The following SORCS1 variants were observed in gnomAD, a reference collection of about 807,000 sequenced individuals.
SORCS1 encodes VPS10 domain-containing receptor SorCS1.
SORCS1 carries 60 observed loss-of-function variants against 146.1 expected under a neutral mutation model. The ratio of observed to expected loss-of-function variants is 0.41; its 90% confidence interval spans 0.33 to 0.51. SORCS1 has a LOEUF of 0.51. SORCS1 is among the 20% of genes least tolerant of loss of function. SORCS1 has a pLI of 0.21. For synonymous variants in SORCS1, 637 were observed against 584.0 expected (o/e 1.09, Z -1.31); for missense variants, 1,352 against 1,487.6 (o/e 0.91, Z 1.50).
intron 8 of SORCS1, among the ~76,000 whole-genome samples, chr10:106,706,055 A>G (rs1391276767): frequency 6.6e-6 from 1 of 152,222 alleles, no homozygotes; most frequent in Non-Finnish European, 1.5e-5. Flanking sequence ...TTGCACTGAT[A>G]CATAACACAT....
intron 5 of SORCS1, among the ~76,000 whole-genome samples, chr10:106,746,148 G>A (rs75652737): frequency 0.026 from 3,946 of 151,306 alleles, 79 homozygotes; most frequent in Non-Finnish European, 0.044. Context: ...CCCTGGGTCA[G>A]GAAAAAAAAA....
chr10:107,172,605 C>T, the SORCS1 span, among the ~76,000 whole-genome samples: 104 of 152,332 alleles, frequency 6.8e-4, no homozygotes, highest in African/African-American at 2.4e-3. Context: ...TCATCTATCT[C>T]TTAACCTCAG....
At chr10:106,781,859 C>T (rs948746521) in intron 3 of SORCS1, among the ~76,000 whole-genome samples, 3 of 151,852 alleles carry the variant, frequency 2.0e-5, no homozygotes, top group Non-Finnish European at 4.4e-5. Context: ...AAGAAAATCA[C>T]AGAAATACAA....
intron 18 of SORCS1, among the ~76,000 whole-genome samples, chr10:106,646,125 T>C (rs1467737057): frequency 6.6e-6 from 1 of 151,504 alleles, no homozygotes; most frequent in African/African-American, 2.4e-5. Flanking sequence ...ATTAGCTGGG[T>C]GTGGTAGCTG....
chr10:106,832,288 G>A (rs1281678832), intron 2 of SORCS1, among the ~76,000 whole-genome samples: 23 of 150,418 alleles, frequency 1.5e-4, no homozygotes, highest in Admixed American at 1.4e-3. Flanking sequence ...TTCTGGGTTC[G>A]ATCGATTCTC....
intron 1 of SORCS1, among the ~76,000 whole-genome samples, chr10:107,137,927 G>C (rs1406885327): frequency 6.6e-6 from 1 of 151,292 alleles, no homozygotes; most frequent in Non-Finnish European, 1.5e-5. Flanking sequence ...TCAATTCCAA[G>C]TTCCATGAAG....
At chr10:106,802,004 T>G (rs1427238367) in intron 3 of SORCS1, among the ~76,000 whole-genome samples, 1 of 152,198 alleles carries the variant, frequency 6.6e-6, no homozygotes, top group African/African-American at 2.4e-5. Flanking sequence ...TTGCAAGCAT[T>G]TATTAAGTAC....
At chr10:106,769,318 T>G (rs560428629) in intron 4 of SORCS1, among the ~76,000 whole-genome samples, 1 of 151,998 alleles carries the variant, frequency 6.6e-6, no homozygotes, top group Admixed American at 6.6e-5. Context: ...GCCCCGTCTC[T>G]ACTAAAAAAT....
At chr10:107,115,619 A>G (rs143122855) in intron 1 of SORCS1, among the ~76,000 whole-genome samples, 377 of 152,220 alleles carry the variant, frequency 2.5e-3, no homozygotes, top group Non-Finnish European at 3.5e-3. Context: ...AAAAACTTCA[A>G]TGTAAGATCT....
At chr10:106,622,125 A>G (rs1847787298) in intron 19 of SORCS1, among the ~76,000 whole-genome samples, 1 of 151,944 alleles carries the variant, frequency 6.6e-6, no homozygotes, top group Non-Finnish European at 1.5e-5. Context: ...CCCCATCTCT[A>G]CTATAAATGC....
intron 1 of SORCS1, among the ~76,000 whole-genome samples, chr10:107,039,409 T>C (rs1200833130): frequency 1.3e-5 from 2 of 151,966 alleles, no homozygotes; most frequent in African/African-American, 4.8e-5. Flanking sequence ...CTATATAATG[T>C]TGCCCTCTTG....
chr10:106,964,060 G>A (rs1448849777), intron 1 of SORCS1, among the ~76,000 whole-genome samples: 3 of 152,170 alleles, frequency 2.0e-5, no homozygotes, highest in Non-Finnish European at 2.9e-5. Context: ...TGATAAAGAC[G>A]AGAGGTATAC....
At chr10:106,710,208 G>A (rs534686364) in intron 6 of SORCS1, among the ~76,000 whole-genome samples, 13 of 152,270 alleles carry the variant, frequency 8.5e-5, no homozygotes, top group African/African-American at 3.1e-4. Context: ...CAGCACTTTG[G>A]GAGGCCAAAG....
Position 106,706,540 on chromosome 10 carries a change from C to T in SORCS1, c.1233+5G>A. 6.2e-7 allele frequency: 1 copy of T among 1,613,844 alleles called. No homozygotes were observed. Among genetic ancestry groups the T allele is most frequent in the Non-Finnish European group, 8.5e-7 (1 of 1,179,766 alleles). On this transcript the variant is annotated splice_donor_5th_base_variant and intron_variant, in intron 8 of 25. Coordinates refer to ENST00000263054, the MANE Select transcript of SORCS1 (RefSeq NM_052918.5). ...GTGAAATGAAGAAAGTGATTTAGGC[C>T]ATACCTTGGGCAAAGCATATTTCGG...
At chr10:107,080,588 T>C (rs1475343030) in intron 1 of SORCS1, among the ~76,000 whole-genome samples, 3 of 152,204 alleles carry the variant, frequency 2.0e-5, no homozygotes, top group Non-Finnish European at 4.4e-5. Context: ...TATAAAGAGC[T>C]TGGTATGTGA....
intron 1 of SORCS1, among the ~76,000 whole-genome samples, chr10:106,972,810 T>A (rs1021948248): frequency 6.6e-6 from 1 of 152,176 alleles, no homozygotes; most frequent in Admixed American, 6.5e-5. Flanking sequence ...TACAACCAGC[T>A]AGGTGCTTCA....
At chr10:107,152,609 G>A (rs954037449) in intron 1 of SORCS1, among the ~76,000 whole-genome samples, 1 of 152,120 alleles carries the variant, frequency 6.6e-6, no homozygotes, top group Non-Finnish European at 1.5e-5. Flanking sequence ...GGTTTTATAA[G>A]GGGCTTTCCC....
chr10:106,830,977 G>A (rs1464802295), intron 2 of SORCS1, among the ~76,000 whole-genome samples: 3 of 151,996 alleles, frequency 2.0e-5, no homozygotes, highest in Admixed American at 6.6e-5. Flanking sequence ...GGCAGGTCAC[G>A]AGGTCAGGAG....
chr10:106,916,519 TA>T (rs1428418505), intron 2 of SORCS1, among the ~76,000 whole-genome samples: 1 of 148,006 alleles, frequency 6.8e-6, no homozygotes, highest in African/African-American at 2.5e-5. Flanking sequence ...AATTATGTAT[TA>T]TATATAATTA....
Sources: allele counts gnomAD v4.1 joint callset (sites outside exome capture counted in the v4.1 genomes callset), GRCh38; gene constraint gnomAD v4.1.1; transcripts MANE v1.5; gene names NCBI Gene and HGNC (gene_info 2026-07-23, HGNC 2026-07-21).